HYDIN: variants seen among roughly 807,000 people sequenced by gnomAD.
The protein encoded by HYDIN is axonemal central pair apparatus protein HYDIN.
HYDIN carries 132 observed loss-of-function variants against 403.9 expected under a neutral mutation model. The observed-to-expected ratio is 0.33, with a 90% CI of 0.28 to 0.38. HYDIN has a LOEUF of 0.38. Among genes scored for constraint, HYDIN ranks in the 10% least tolerant of loss-of-function variants. HYDIN has a pLI of 1.00. For synonymous variants in HYDIN, 1,202 were observed against 1,891.7 expected, an observed-to-expected ratio of 0.64 and a Z score of 9.46; for missense variants, 2,827 against 5,009.5, an observed-to-expected ratio of 0.56 and a Z score of 13.15.
At chr16:70,812,460 C>T (rs2035568148) in intron 84 of HYDIN, among the ~76,000 whole-genome samples, 1 of 152,024 alleles carries the variant, frequency 6.6e-6, no homozygotes, top group African/African-American at 2.4e-5. Context: ...TGCATTTCAG[C>T]CTGGGTGACA....
chr16:70,938,688 A>T lies in HYDIN; in HGVS notation c.6921T>A (p.Tyr2307Ter), dbSNP rs369621670. The T allele has an allele frequency of 1.2e-6, 2 of 1,613,736 alleles. No homozygotes were observed. Among genetic ancestry groups the T allele is most frequent in the Non-Finnish European group, 1.7e-6 (2 of 1,179,730 alleles). Residue 2307 changes from tyrosine to a stop codon, truncating the protein, a stop_gained, in exon 44 of 86, where the codon TAT becomes TAA. Coordinates refer to ENST00000393567, the MANE Select transcript of HYDIN (RefSeq NM_001270974.2). LOFTEE classifies it high-confidence loss of function. ...GTTTCTCCTCCTCAGTCAGGGCATC[A>T]TATTCTTCCTCATCCATGTTTTGGA... ...ERLQNMDEEEYDALTEEEKLT... is the reference protein window; with the variant it reads ...ERLQNMDEEE
rs547171821 is a variant in HYDIN, at chr16:71,097,739, T to C, written c.1328-3804A>G. On this transcript the variant is annotated intron_variant, in intron 10 of 85. Transcript: ENST00000393567. ...AATGGTTTTCCTTAAATGTATACCA[T>C]ATAATTTCAAGTTCTCTAAGGAAAG... is the stretch of plus-strand genomic sequence containing the variant. Among the ~76,000 whole-genome samples, 53 of 149,284 alleles carry C rather than the reference T, an allele frequency of 3.6e-4. No homozygotes were observed. The East Asian group carries it at 9.7e-3, about 27-fold the overall frequency.
rs748227738 is a variant in HYDIN, at chr16:70,863,152, C to A, written c.11502G>T (p.Gln3834His). The A allele has an allele frequency of 6.2e-6, 10 of 1,613,902 alleles. No individual in the cohort carries two copies. Among genetic ancestry groups the A allele is most frequent in the African/African-American group, 5.3e-5 (4 of 74,926 alleles). ...EFDVINSGRVQLEFSWVSEDT... is the reference protein window; with the variant it reads ...EFDVINSGRVHLEFSWVSEDT... ...CTTCTGAGACCCAGCTGAATTCCAG[C>A]TGGACACGTCCTGAATTAATCACAT... The change falls in exon 68 of 86, where the codon CAG becomes CAT. Residue 3834 changes from glutamine to histidine, a missense_variant. By Grantham distance (24) the Gln-to-His change is conservative. Coordinates refer to ENST00000393567, the MANE Select transcript of HYDIN (RefSeq NM_001270974.2).
chr16:71,228,891 G>T (rs2041156810), intron 1 of HYDIN, among the ~76,000 whole-genome samples: 2 of 152,066 alleles, frequency 1.3e-5, no homozygotes, highest in Admixed American at 6.5e-5. Context: ...CAATAGCAAA[G>T]ACTTGGAACC....
intron 18 of HYDIN, among the ~76,000 whole-genome samples, chr16:71,033,902 A>G (rs549547617): frequency 2.0e-5 from 3 of 152,198 alleles, no homozygotes; most frequent in Non-Finnish European, 4.4e-5. Context: ...TAATCTTTAT[A>G]GAAAATATTT....
intron 5 of HYDIN, among the ~76,000 whole-genome samples, chr16:71,170,726 T>C (rs1401600356): frequency 6.6e-6 from 1 of 152,246 alleles, no homozygotes; most frequent in Admixed American, 6.5e-5. Context: ...GGAGTGACTG[T>C]GGTTTTTTAG....
chr16:71,180,314 CAAG>C (rs542917143), intron 3 of HYDIN, among the ~76,000 whole-genome samples: 40 of 151,922 alleles, frequency 2.6e-4, no homozygotes, highest in Non-Finnish European at 3.8e-4. Context: ...AAAACTGGCA[CAAG>C]AAGAAACAGA....
chr16:70,934,276 A>G (rs112521400), intron 45 of HYDIN, among the ~76,000 whole-genome samples: 255 of 152,118 alleles, frequency 1.7e-3, no homozygotes, highest in African/African-American at 5.9e-3. Context: ...GGAGACAAGC[A>G]TGAAGGGAAG....
intron 13 of HYDIN, among the ~76,000 whole-genome samples, chr16:71,077,918 G>C (rs1470712724): frequency 6.6e-6 from 1 of 151,680 alleles, no homozygotes. Context: ...AATGAGTGTT[G>C]GATTCTGTGG....
chr16:70,949,364 C>T (rs1246771330), intron 41 of HYDIN, among the ~76,000 whole-genome samples: 10 of 150,706 alleles, frequency 6.6e-5, no homozygotes, highest in Non-Finnish European at 8.9e-5. Flanking sequence ...TGTTAGAGGA[C>T]GAGTTAGTGG....
intron 1 of HYDIN, among the ~76,000 whole-genome samples, chr16:71,191,965 T>C (rs1439463497): frequency 1.3e-5 from 2 of 152,210 alleles, no homozygotes; most frequent in Non-Finnish European, 2.9e-5. Flanking sequence ...CTACTTACTA[T>C]GTGCCTGACA....
At chr16:71,019,889 G>T (rs969137428) in intron 22 of HYDIN, among the ~76,000 whole-genome samples, 1 of 152,298 alleles carries the variant, frequency 6.6e-6, no homozygotes, top group Non-Finnish European at 1.5e-5. Flanking sequence ...TCGTATACAA[G>T]GGATATTAAT....
intron 84 of HYDIN, among the ~76,000 whole-genome samples, chr16:70,810,624 G>A (rs2035427185): frequency 6.6e-6 from 1 of 152,180 alleles, no homozygotes; most frequent in Non-Finnish European, 1.5e-5. Context: ...AAGGTCAGGA[G>A]TTCGAAACCA....
intron 73 of HYDIN, among the ~76,000 whole-genome samples, chr16:70,853,341 C>T (rs2038793431): frequency 2.0e-5 from 3 of 150,688 alleles, no homozygotes; most frequent in South Asian, 2.1e-4. Context: ...ATGCCATTAT[C>T]GTATGTCCAT....
At chr16:71,063,270 G>T (rs1318804883) in intron 16 of HYDIN, among the ~76,000 whole-genome samples, 2 of 152,202 alleles carry the variant, frequency 1.3e-5, no homozygotes, top group Non-Finnish European at 2.9e-5. Flanking sequence ...CATCTGGTCT[G>T]GCCTAACATG....
At chr16:70,998,203 C>G (rs1280607768) in intron 23 of HYDIN, among the ~76,000 whole-genome samples, 2 of 152,352 alleles carry the variant, frequency 1.3e-5, no homozygotes, top group East Asian at 3.9e-4. Flanking sequence ...GTGCCCTGCA[C>G]AATTACCCTC....
chr16:71,024,984 T>A (rs1332941658), intron 21 of HYDIN, among the ~76,000 whole-genome samples: 1 of 152,248 alleles, frequency 6.6e-6, no homozygotes, highest in Non-Finnish European at 1.5e-5. Flanking sequence ...CATGGCTCCA[T>A]GTCTAGCAAG....
At chr16:70,934,566 G>C (rs1204971921) in intron 45 of HYDIN, among the ~76,000 whole-genome samples, 1 of 152,074 alleles carries the variant, frequency 6.6e-6, no homozygotes, top group Non-Finnish European at 1.5e-5. Flanking sequence ...TTTTTCTTCA[G>C]CTTAAGTGTT....
chr16:71,095,463 C>G (rs893355656), intron 10 of HYDIN, among the ~76,000 whole-genome samples: 1 of 148,644 alleles, frequency 6.7e-6, no homozygotes, highest in African/African-American at 2.5e-5. Flanking sequence ...AATTCTAAAT[C>G]AGAGAAGGGT....
Sources: gnomAD v4.1 joint callset for allele counts (sites outside exome capture counted in the v4.1 genomes callset) on GRCh38, gnomAD v4.1.1 for gene constraint, MANE v1.5 for transcripts, NCBI Gene and HGNC (gene_info 2026-07-23, HGNC 2026-07-21) for gene names.